RASA1: variants seen among roughly 807,000 people sequenced by gnomAD.
RASA1 encodes ras GTPase-activating protein 1.
In RASA1, 25 loss-of-function variants were observed where a neutral mutation model predicts 132.2. The observed-to-expected ratio is 0.19, with a 90% CI of 0.14 to 0.26. The LOEUF (loss-of-function observed/expected upper bound fraction) is 0.26. Ranked by LOEUF, RASA1 falls within the 10% of genes least tolerant of loss-of-function variation. The pLI is 1.00. For missense variants in RASA1, 964 were observed against 1,299.2 expected, an observed-to-expected ratio of 0.74 and a Z score of 3.97; for synonymous variants, 477 against 449.9, an observed-to-expected ratio of 1.06 and a Z score of -0.76.
At chr5:87,315,573 T>G (rs1312217130) in intron 1 of RASA1, among the ~76,000 whole-genome samples, 1 of 152,242 alleles carries the variant, frequency 6.6e-6, no homozygotes, top group Non-Finnish European at 1.5e-5. Flanking sequence ...ATCTTGTGTT[T>G]TTAAAGAAGT....
intron 1 of RASA1, among the ~76,000 whole-genome samples, chr5:87,269,720 G>A (rs1753737443): frequency 6.6e-6 from 1 of 152,162 alleles, no homozygotes; most frequent in South Asian, 2.1e-4. Flanking sequence ...AACATTTTTT[G>A]TTGGTGGCCA....
In RASA1 at chr5:87,349,289, A is replaced by T; in HGVS notation, c.1178A>T (p.Asn393Ile). The stretch of plus-strand genomic sequence containing the variant: ...GATTATTCACTTTATTTCCGGACCA[A>T]TGAAAATATTCAGCGATTTAAAATA... ...PGDYSLYFRT[N>I]ENIQRFKICP... Residue 393 changes from asparagine (N) to isoleucine (I), a missense_variant, in exon 8 of 25, where the codon AAT becomes ATT. Around this residue, in one of 6 missense-constraint regions of RASA1, gnomAD observed 154 missense variants for 286.5 expected, o/e 0.54. Coordinates refer to ENST00000274376, the MANE Select transcript of RASA1 (RefSeq NM_002890.3). 2 of 1,612,256 alleles carry T rather than the reference A, an allele frequency of 1.2e-6. No individual in the cohort carries two copies. Among genetic ancestry groups the T allele is most frequent in the Non-Finnish European group, 1.7e-6 (2 of 1,178,832 alleles).
At chr5:87,322,478 A>G (rs1756898324) in intron 1 of RASA1, among the ~76,000 whole-genome samples, 1 of 152,184 alleles carries the variant, frequency 6.6e-6, no homozygotes, top group African/African-American at 2.4e-5. Flanking sequence ...GTCTTCCACT[A>G]AATCAGTCAG....
chr5:87,338,536 A>ATATATATTTTTTTTTTTTTTTTTT, intron 5 of RASA1, among the ~76,000 whole-genome samples: 1 of 85,216 alleles, frequency 1.2e-5, no homozygotes, highest in African/African-American at 4.4e-5. Context: ...TATATATAAA[A>ATATATATTTTTTTTTTTTTTTTTT]TTTTTTTTTT....
Position 87,389,402 on chromosome 5 carries a change from G to C in RASA1, c.2935G>C (p.Glu979Gln), listed in dbSNP as rs748623110. The change falls in exon 24 of 25, where the codon GAA (glutamate) becomes CAA (glutamine). Residue 979 changes from glutamate to glutamine, a missense_variant. Coordinates refer to ENST00000274376, the MANE Select transcript of RASA1 (RefSeq NM_002890.3). ...TACGATTCCCTTAAAGAATGTACCT[G>C]AACTTCCGGACACTACAGAGCATTC... ...MFLDELGNVP[E>Q]LPDTTEHSRT... 1 of 1,614,080 alleles carries C rather than the reference G, an allele frequency of 6.2e-7. No homozygotes were observed.
chr5:87,383,585 TA>T (rs1761873849), intron 20 of RASA1, 127 bp from the exon 21 acceptor site: 2 of 634,030 alleles, frequency 3.2e-6, no homozygotes, highest in African/African-American at 1.9e-5. Flanking sequence ...GGCTTTCTTT[TA>T]TTGGTTTAGA....
intron 7 of RASA1, among the ~76,000 whole-genome samples, chr5:87,347,540 A>G (rs984371867): frequency 7.2e-5 from 11 of 152,006 alleles, no homozygotes; most frequent in Admixed American, 4.6e-4. Context: ...AATAGTTTCT[A>G]TATTTGGTGA....
At chr5:87,278,951 A>G (rs1026494201) in intron 1 of RASA1, among the ~76,000 whole-genome samples, 7 of 129,444 alleles carry the variant, frequency 5.4e-5, no homozygotes, top group African/African-American at 2.0e-4. Flanking sequence ...TCATTTAAAG[A>G]AGATTATGCG....
At chr5:87,294,042 CTA>C (rs1204564988) in intron 1 of RASA1, 18 of 151,918 alleles carry the variant, frequency 1.2e-4, no homozygotes, top group African/African-American at 4.4e-4. Context: ...TTAATTTACT[CTA>C]TTGATTTCCT....
chr5:87,292,974 C>A (rs1043448110), intron 1 of RASA1, among the ~76,000 whole-genome samples: 10 of 152,166 alleles, frequency 6.6e-5, no homozygotes, highest in Admixed American at 5.2e-4. Flanking sequence ...TTGTATTCTG[C>A]AACCTTGCTT....
chr5:87,351,598 A>G (rs1759282272), intron 8 of RASA1, among the ~76,000 whole-genome samples: 1 of 151,810 alleles, frequency 6.6e-6, no homozygotes, highest in Admixed American at 6.6e-5. Context: ...TACATTGAAT[A>G]TGCTTTAGTT....
intron 8 of RASA1, 43 bp downstream of exon 8, chr5:87,349,407 T>C (rs1392290340): frequency 6.3e-7 from 1 of 1,599,144 alleles, no homozygotes; most frequent in East Asian, 2.2e-5. Flanking sequence ...TTCGCAAAAA[T>C]AGTTGAAATC....
At chr5:87,386,289 T>C (rs201031485) in intron 22 of RASA1, among the ~76,000 whole-genome samples, 4 of 152,082 alleles carry the variant, frequency 2.6e-5, no homozygotes, top group Admixed American at 2.6e-4. Context: ...TATAGCATGG[T>C]TTTAAGTAGT....
intron 7 of RASA1, among the ~76,000 whole-genome samples, chr5:87,348,324 G>C (rs1170188408): frequency 1.3e-5 from 2 of 151,996 alleles, no homozygotes; most frequent in African/African-American, 4.8e-5. Context: ...AATAATCTAA[G>C]CATTCATTGT....
chr5:87,360,862 A>G (rs77799899), intron 9 of RASA1, among the ~76,000 whole-genome samples: 1,817 of 152,262 alleles, frequency 0.012, 28 homozygotes, highest in African/African-American at 0.041. Flanking sequence ...CTAATTGTCA[A>G]ACATCTTCCT....
chr5:87,292,058 T>C (rs1188626709), intron 1 of RASA1, among the ~76,000 whole-genome samples: 6 of 152,240 alleles, frequency 3.9e-5, no homozygotes, highest in Admixed American at 6.5e-5. Flanking sequence ...TTGTATATTT[T>C]TGGATAACAG....
At chr5:87,311,556 A>C (rs1385593661) in intron 1 of RASA1, among the ~76,000 whole-genome samples, 1 of 152,264 alleles carries the variant, frequency 6.6e-6, no homozygotes, top group African/African-American at 2.4e-5. Flanking sequence ...GGCAGAGTCC[A>C]GCAGAGATTA....
At position 87,380,549 on chromosome 5, in the gene RASA1, C is replaced by G; in HGVS notation, c.2644C>G (p.Gln882Glu). 1 of 1,613,384 alleles carries G rather than the reference C, an allele frequency of 6.2e-7. No individual in the cohort carries two copies. The highest frequency in any genetic ancestry group is 8.5e-7 in the Non-Finnish European group (1 of 1,179,488). ...YIYGCLQKSV[Q>E]HKWPTNTTMR... Reference sequence around the variant, plus strand: ...TTATGGGTGTTTACAGAAATCTGTTCAGCATAAGTGGCCTACAAATACCAC... The same window carrying G: ...TTATGGGTGTTTACAGAAATCTGTTGAGCATAAGTGGCCTACAAATACCAC... Residue 882 changes from glutamine (Q) to glutamate (E), a missense_variant, in exon 20 of 25, where the codon CAG becomes GAG. Transcript: ENST00000274376.
chr5:87,277,929 T>A (rs546154173), intron 1 of RASA1, among the ~76,000 whole-genome samples: 1 of 152,236 alleles, frequency 6.6e-6, no homozygotes, highest in South Asian at 2.1e-4. Flanking sequence ...CACATGACCA[T>A]GGTAGCCATG....
Sources: gnomAD v4.1 joint callset for allele counts (sites outside exome capture counted in the v4.1 genomes callset) on GRCh38, gnomAD v4.1.1 for gene constraint, gnomAD v4.1.1 regional missense constraint, MANE v1.5 for transcripts, NCBI Gene and HGNC (gene_info 2026-07-23, HGNC 2026-07-21) for gene names.